CCAR1: variants seen among roughly 807,000 people sequenced by gnomAD.
CCAR1 encodes the protein cell division cycle and apoptosis regulator 1.
In CCAR1, 78 loss-of-function variants were observed where a neutral mutation model predicts 163.8. The observed-to-expected ratio is 0.48, with a 90% CI of 0.40 to 0.57. The LOEUF (loss-of-function observed/expected upper bound fraction) is 0.57, where lower values mean the gene tolerates loss of function less well. CCAR1 is among the 20% of genes least tolerant of loss of function. The pLI, the probability that CCAR1 is intolerant of heterozygous loss-of-function variation, is 0.00. For missense variants in CCAR1, 1,019 were observed against 1,365.2 expected, an observed-to-expected ratio of 0.75 and a Z score of 4.00; for synonymous variants, 443 against 460.7, an observed-to-expected ratio of 0.96 and a Z score of 0.49.
intron 1 of CCAR1, among the ~76,000 whole-genome samples, chr10:68,722,185 A>G (rs1012996440): frequency 7.9e-5 from 12 of 152,174 alleles, no homozygotes; most frequent in Admixed American, 2.0e-4. Flanking sequence ...TTTAAATGTG[A>G]CAACTTGTAG....
chr10:68,758,780 C>G (rs957300953), intron 15 of CCAR1, among the ~76,000 whole-genome samples: 2 of 151,486 alleles, frequency 1.3e-5, no homozygotes, highest in Non-Finnish European at 2.9e-5. Flanking sequence ...TCAAGAGATT[C>G]TCGTGCCTCA....
intron 2 of CCAR1, 92 bp downstream of exon 2, chr10:68,722,669 T>C: frequency 1.1e-6 from 1 of 945,146 alleles, no homozygotes; most frequent in Non-Finnish European, 1.7e-6. Flanking sequence ...TCACGCCTGT[T>C]ATCCTAGCAC....
rs1227992569 is a variant in CCAR1 at position 68,756,940 on chromosome 10, C to T, written c.1837-354C>T. ...AGGCTATGTGGCAACGTCTTTGGTA[C>T]ATTTCAAAGGTCTGACTAAATCAGT... On this transcript the variant is annotated intron_variant, in intron 14 of 24. Coordinates refer to ENST00000265872, the MANE Select transcript of CCAR1 (RefSeq NM_018237.4). This position sits in a 1 kb window ranked among gnomAD's most constrained non-coding sequence, Gnocchi z 5.1. Among the ~76,000 whole-genome samples, 1 of 152,198 alleles carries T rather than the reference C, an allele frequency of 6.6e-6. No individual in the cohort carries two copies. Among genetic ancestry groups the T allele is most frequent in the African/African-American group, 2.4e-5 (1 of 41,458 alleles).
chr10:68,783,237 T>C (rs1017094149), intron 19 of CCAR1, among the ~76,000 whole-genome samples: 2 of 152,012 alleles, frequency 1.3e-5, no homozygotes, highest in African/African-American at 4.8e-5. Flanking sequence ...TTGCCCAGGC[T>C]GGAATGCAGT....
intron 2 of CCAR1, among the ~76,000 whole-genome samples, chr10:68,733,419 TAAA>T (rs1252767747): frequency 6.6e-6 from 1 of 151,986 alleles, no homozygotes; most frequent in African/African-American, 2.4e-5. Context: ...TCAAAAAAAG[TAAA>T]AAGAGAAAAT....
In CCAR1 at chr10:68,748,800, ACCT is replaced by A. The variant is rs1166673721; in HGVS notation, c.827-332_827-330del. Among the ~76,000 whole-genome samples the A allele has an allele frequency of 3.3e-5, 5 of 151,554 alleles. No homozygotes were observed. In the South Asian group the frequency reaches 8.3e-4, roughly 25 times the overall value. ...ATGATCTCAGCTCACTGCAGCCTCG[ACCT>A]CCTGGCCTTAAGGAATCCTCCCTTC... On this transcript the variant is annotated intron_variant, in intron 8 of 24. Transcript: ENST00000265872.
intron 19 of CCAR1, among the ~76,000 whole-genome samples, chr10:68,777,086 C>G (rs966153218): frequency 2.0e-5 from 3 of 152,168 alleles, no homozygotes; most frequent in Admixed American, 6.6e-5. Context: ...ATCCTTGATT[C>G]CTTTCTTTCT....
At chr10:68,751,374 AC>A (rs1358163607) in intron 10 of CCAR1, among the ~76,000 whole-genome samples, 1 of 151,996 alleles carries the variant, frequency 6.6e-6, no homozygotes, top group Non-Finnish European at 1.5e-5. Context: ...ATAGCTGCTT[AC>A]TCTTATACTT....
intron 5 of CCAR1, among the ~76,000 whole-genome samples, chr10:68,740,953 A>G (rs2802088): frequency 0.88 from 132,425 of 151,116 alleles, 58,107 homozygotes; most frequent in African/African-American, 0.9. Flanking sequence ...TCCCTCTGTT[A>G]CCCAGGCTGG....
intron 15 of CCAR1, chr10:68,759,350 G>A (rs1239401136): frequency 6.5e-6 from 1 of 152,806 alleles, no homozygotes; most frequent in Non-Finnish European, 1.5e-5. Context: ...GGAAGCTGGA[G>A]CCTGCAGTGA....
chr10:68,786,061 A>G, intron 19 of CCAR1, 75 bp from the exon 20 acceptor site: 1 of 945,116 alleles, frequency 1.1e-6, no homozygotes. Context: ...CTGGGATAAC[A>G]GTCATGTGCC....
intron 19 of CCAR1, among the ~76,000 whole-genome samples, chr10:68,782,074 G>A (rs552022106): frequency 7.9e-5 from 12 of 152,270 alleles, no homozygotes; most frequent in South Asian, 4.1e-4. Flanking sequence ...GTGAGGAAAT[G>A]AAACAGCTTT....
chr10:68,788,370 G>C (rs776331065), intron 23 of CCAR1, 42 bp downstream of exon 23: 1 of 1,400,388 alleles, frequency 7.1e-7, no homozygotes, highest in Non-Finnish European at 9.6e-7. Flanking sequence ...TCAGCACCCT[G>C]CTGGGACACG....
At chr10:68,786,864 C>G in intron 21 of CCAR1, 172 bp downstream of exon 21, 1 of 494,444 alleles carries the variant, frequency 2.0e-6, no homozygotes. Context: ...GCGGGCAGAT[C>G]AGTTGAGGCC....
chr10:68,743,087 C>G (rs1422781437), intron 6 of CCAR1, among the ~76,000 whole-genome samples: 21 of 152,106 alleles, frequency 1.4e-4, no homozygotes, highest in Admixed American at 1.4e-3. Context: ...CATGCGCCAG[C>G]ACGCCTGGCT....
At chr10:68,769,868 G>A (rs1300494608) in intron 17 of CCAR1, among the ~76,000 whole-genome samples, 3 of 150,558 alleles carry the variant, frequency 2.0e-5, no homozygotes, top group South Asian at 4.2e-4. Context: ...GTGAATTGGC[G>A]AGGCGGAGCT....
chr10:68,725,536 C>T (rs2055931270), intron 2 of CCAR1, among the ~76,000 whole-genome samples: 1 of 150,648 alleles, frequency 6.6e-6, no homozygotes, highest in Non-Finnish European at 1.5e-5. Context: ...TTTGTTGAAT[C>T]TCAAAAGCTT....
chr10:68,751,732 T>C (rs1459694272), intron 10 of CCAR1, among the ~76,000 whole-genome samples: 3 of 151,314 alleles, frequency 2.0e-5, no homozygotes, highest in Non-Finnish European at 3.0e-5. Context: ...GGCGTGGTAG[T>C]GTGCGCCTGT....
At chr10:68,726,363 A>G (rs1159786753) in intron 2 of CCAR1, among the ~76,000 whole-genome samples, 3 of 151,866 alleles carry the variant, frequency 2.0e-5, no homozygotes, top group Non-Finnish European at 4.4e-5. Context: ...CTGTTAGCCA[A>G]GATGGTCTTG....
Sources: gnomAD v4.1 joint callset for allele counts (sites outside exome capture counted in the v4.1 genomes callset) on GRCh38, gnomAD v4.1.1 for gene constraint, Gnocchi (gnomAD v3.1) non-coding constraint, MANE v1.5 for transcripts, NCBI Gene and HGNC (gene_info 2026-07-23, HGNC 2026-07-21) for gene names.